TEX11: variants seen among roughly 807,000 people sequenced by gnomAD.
The protein encoded by TEX11 is testis expressed 11, also known as testis-expressed protein 11.
TEX11 carries 7 observed loss-of-function variants against 84.4 expected under a neutral mutation model. The observed-to-expected ratio is 0.08, with a 90% CI of 0.05 to 0.16. TEX11 has a LOEUF of 0.16. Ranked by LOEUF, TEX11 falls within the 10% of genes least tolerant of loss-of-function variation. TEX11 has a pLI of 1.00. For synonymous variants in TEX11, 264 were observed against 222.8 expected, an observed-to-expected ratio of 1.18 and a Z score of -1.64; for missense variants, 551 against 660.5, an observed-to-expected ratio of 0.83 and a Z score of 1.82.
In TEX11 at chrX:70,793,992, A is replaced by G. The variant is rs564814882; in HGVS notation, c.692+12713T>C. 3.5e-4 allele frequency among the ~76,000 whole-genome samples: 39 copies of G among 112,126 alleles called. No homozygotes were observed. In the South Asian group the frequency reaches 0.014, roughly 40 times the overall value. On this transcript the variant is annotated intron_variant, in intron 9 of 29. Coordinates refer to ENST00000374333, the MANE Select transcript of TEX11 (RefSeq NM_031276.3). Reference sequence around the variant, plus strand: ...AGTCTCCACTGATCATTCTCCCTGCAGGAGCACCAAACTTGACAACTATCT... The same window carrying G: ...AGTCTCCACTGATCATTCTCCCTGCGGGAGCACCAAACTTGACAACTATCT...
intron 13 of TEX11, among the ~76,000 whole-genome samples, chrX:70,685,921 GT>G (rs779205202): frequency 8.0e-4 from 86 of 107,978 alleles, no homozygotes; most frequent in South Asian, 2.8e-3. Context: ...TTTTGACAAG[GT>G]TTTTTTTTTC....
intron 9 of TEX11, among the ~76,000 whole-genome samples, chrX:70,775,006 T>A (rs1183438037): frequency 9.0e-6 from 1 of 111,717 alleles, no homozygotes; most frequent in African/African-American, 3.2e-5. Context: ...AAACAACACA[T>A]AGACCAATGG....
chrX:70,829,197 G>C (rs889800742), intron 8 of TEX11, among the ~76,000 whole-genome samples: 3 of 111,695 alleles, frequency 2.7e-5, no homozygotes, highest in African/African-American at 9.8e-5. Context: ...CACAAGGCTG[G>C]ACAGCTGGAA....
intron 13 of TEX11, among the ~76,000 whole-genome samples, chrX:70,715,495 T>C (rs1415117564): frequency 2.7e-5 from 3 of 111,821 alleles, no homozygotes; most frequent in Non-Finnish European, 5.6e-5. Context: ...CATTTCTTTG[T>C]ATTCTTTTTT....
At chrX:70,714,486 T>C (rs1401043606) in intron 13 of TEX11, among the ~76,000 whole-genome samples, 2 of 111,760 alleles carry the variant, frequency 1.8e-5, no homozygotes, top group Admixed American at 1.9e-4. Flanking sequence ...CTGTATTGGG[T>C]GCATATATAT....
chrX:70,771,913 A>AC (rs1274968550), intron 9 of TEX11, among the ~76,000 whole-genome samples: 2 of 111,043 alleles, frequency 1.8e-5, no homozygotes, highest in Non-Finnish European at 3.8e-5. Context: ...TTATGGACCC[A>AC]CCCCCATAGC....
At chrX:70,644,801 T>C (rs1192785290) in intron 17 of TEX11, among the ~76,000 whole-genome samples, 2 of 89,805 alleles carry the variant, frequency 2.2e-5, no homozygotes, top group Non-Finnish European at 4.4e-5. Context: ...AGGGATAGCA[T>C]TGGGAGATAT....
At chrX:70,865,568 C>T (rs1159559567) in intron 4 of TEX11, among the ~76,000 whole-genome samples, 6 of 111,749 alleles carry the variant, frequency 5.4e-5, no homozygotes, top group Non-Finnish European at 1.1e-4. Context: ...CAGAACTCTC[C>T]ACCTCAAATC....
intron 5 of TEX11, among the ~76,000 whole-genome samples, chrX:70,855,259 C>A (rs1263090812): frequency 9.1e-6 from 1 of 110,130 alleles, no homozygotes; most frequent in Non-Finnish European, 1.9e-5. Flanking sequence ...ATAAATAAAG[C>A]TGATAAATCA....
chrX:70,788,685 A>AACAC (rs753573687), intron 9 of TEX11, among the ~76,000 whole-genome samples: 18,389 of 69,261 alleles, frequency 0.27, 2,464 homozygotes, highest in Non-Finnish European at 0.32. Flanking sequence ...TCTCTTGGGA[A>AACAC]ACACACACAC....
chrX:70,617,387 T>G (rs1311879763), intron 20 of TEX11, among the ~76,000 whole-genome samples: 2 of 106,683 alleles, frequency 1.9e-5, no homozygotes, highest in Non-Finnish European at 3.8e-5. Flanking sequence ...TCATTATATA[T>G]TATATATAAT....
rs557573852 is a variant in TEX11, at chrX:70,722,466, G to A, written c.1004+152C>T. On this transcript the variant is annotated intron_variant, in intron 13 of 29. Transcript: ENST00000374333. ...TTTAAAAAATATTTTGTAGAGATGG[G>A]GTCTTGCTATATTGCCAAGGTTGGT... 205 of 422,580 alleles carry A rather than the reference G, an allele frequency of 4.9e-4. 3 individuals are homozygous for A. The South Asian group carries it at 7.8e-3, about 16-fold the overall frequency. The allele number at this position is 422,580 out of a possible 1,213,427, so 34.8% of individuals were successfully genotyped here. A position where few individuals can be genotyped will look rare whatever the true frequency, so the allele number is the denominator to read the frequency against.
At chrX:70,713,678 C>T (rs1234626273) in intron 13 of TEX11, among the ~76,000 whole-genome samples, 2 of 110,865 alleles carry the variant, frequency 1.8e-5, no homozygotes, top group African/African-American at 6.6e-5. Context: ...TGATTCTTCT[C>T]TCTTTTCTTC....
At chrX:70,824,430 C>T (rs6624506) in intron 8 of TEX11, among the ~76,000 whole-genome samples, 29,348 of 110,887 alleles carry the variant, frequency 0.26, 3,278 homozygotes, top group East Asian at 0.42. Flanking sequence ...ATGGTGGCAA[C>T]AGCAGTGGTA....
chrX:70,758,745 A>C (rs957980881), intron 9 of TEX11, among the ~76,000 whole-genome samples: 2 of 112,068 alleles, frequency 1.8e-5, no homozygotes, highest in Admixed American at 9.5e-5. Flanking sequence ...AAAAGCTAGC[A>C]GAAGGCAAGA....
At position 70,825,915 on chromosome X, in the gene TEX11, T is replaced by C. The variant is rs1437981795; in HGVS notation, c.606+7598A>G. On this transcript the variant is annotated intron_variant, in intron 8 of 29. Coordinates refer to ENST00000374333, the MANE Select transcript of TEX11 (RefSeq NM_031276.3). ...ATGGCTTGAACCCGGGAGACAGAGG[T>C]TGCAGTGAGCTGAGATCGCGCCACT... 4.5e-5 allele frequency among the ~76,000 whole-genome samples: 5 copies of C among 110,777 alleles called. No individual in the cohort carries two copies. The South Asian group carries it at 1.5e-3, about 34-fold the overall frequency.
At chrX:70,772,620 G>C (rs1569436373) in intron 9 of TEX11, among the ~76,000 whole-genome samples, 1 of 110,715 alleles carries the variant, frequency 9.0e-6, no homozygotes, top group African/African-American at 3.3e-5. Context: ...ACCACCAAAG[G>C]AATAAATTAA....
Position 70,790,923 on chromosome X carries a change from A to G in TEX11, c.692+15782T>C, listed in dbSNP as rs180796531. Among the ~76,000 whole-genome samples, 56 of 112,534 alleles carry G rather than the reference A, an allele frequency of 5.0e-4. No homozygotes were observed. The East Asian group carries it at 5.0e-3, about 10-fold the overall frequency. Reference sequence around the variant, plus strand: ...AGAATGGCAAGTTGGATAAAAAACAAGACCCAATCATTTGCTGTCTTTTTT... The same window carrying G: ...AGAATGGCAAGTTGGATAAAAAACAGGACCCAATCATTTGCTGTCTTTTTT... On this transcript the variant is annotated intron_variant, in intron 9 of 29. Coordinates refer to ENST00000374333, the MANE Select transcript of TEX11 (RefSeq NM_031276.3).
chrX:70,819,758 C>A lies in TEX11; in HGVS notation c.607-12968G>T, dbSNP rs1241806361. ...TGATACAAAATCAACATACAAGTAT[C>A]AGTGACGTTTCTATACACTAAAAAC... On this transcript the variant is annotated intron_variant, in intron 8 of 29. Coordinates refer to ENST00000374333, the MANE Select transcript of TEX11 (RefSeq NM_031276.3). 2.7e-5 allele frequency among the ~76,000 whole-genome samples: 3 copies of A among 111,828 alleles called. No homozygotes were observed. In the Admixed American group the frequency reaches 2.9e-4, roughly 11 times the overall value.
Sources: gnomAD v4.1 joint callset for allele counts (sites outside exome capture counted in the v4.1 genomes callset) on GRCh38, gnomAD v4.1.1 for gene constraint, MANE v1.5 for transcripts, NCBI Gene and HGNC (gene_info 2026-07-23, HGNC 2026-07-21) for gene names.